Variants in ADAMTS12 observed in about 807,000 individuals in gnomAD.
ADAMTS12 encodes the protein A disintegrin and metalloproteinase with thrombospondin motifs 12.
In ADAMTS12, 118 loss-of-function variants were observed where a neutral mutation model predicts 167.8. That is an observed-to-expected ratio of 0.70 (90% CI 0.61 to 0.82). ADAMTS12 has a LOEUF of 0.82. ADAMTS12 is among the 40% of genes least tolerant of loss of function. The pLI is 0.00. For missense variants in ADAMTS12, 1,916 were observed against 1,998.8 expected, an observed-to-expected ratio of 0.96 and a Z score of 0.79; for synonymous variants, 704 against 716.9, an observed-to-expected ratio of 0.98 and a Z score of 0.29.
At chr5:33,528,837 G>A (rs752174474) in intron 23 of ADAMTS12, among the ~76,000 whole-genome samples, 8 of 152,192 alleles carry the variant, frequency 5.3e-5, no homozygotes, top group Non-Finnish European at 7.3e-5. Flanking sequence ...ATGAGGTCAG[G>A]AATTCGAGAC....
chr5:33,612,090 A>G (rs1738755147), intron 16 of ADAMTS12, among the ~76,000 whole-genome samples: 2 of 152,248 alleles, frequency 1.3e-5, no homozygotes. Flanking sequence ...CTGTGTGAAT[A>G]ATAGCATTTC....
At chr5:33,767,496 T>C (rs1745580046) in intron 2 of ADAMTS12, among the ~76,000 whole-genome samples, 2 of 152,212 alleles carry the variant, frequency 1.3e-5, no homozygotes, top group African/African-American at 4.8e-5. Flanking sequence ...CCATATAGAA[T>C]GTATTACAAT....
intron 2 of ADAMTS12, among the ~76,000 whole-genome samples, chr5:33,857,612 A>G (rs1749456514): frequency 6.6e-6 from 1 of 152,204 alleles, no homozygotes; most frequent in Non-Finnish European, 1.5e-5. Flanking sequence ...TGAAGCTCCA[A>G]AGCAAAGGGA....
At chr5:33,877,800 T>G (rs1242534963) in intron 2 of ADAMTS12, among the ~76,000 whole-genome samples, 1 of 152,110 alleles carries the variant, frequency 6.6e-6, no homozygotes, top group Admixed American at 6.5e-5. Flanking sequence ...GGTCCTCAGT[T>G]TGAAATCATC....
At position 33,553,858 on chromosome 5, in the gene ADAMTS12, CTTAAAAG is replaced by C. The variant is rs1745371872; in HGVS notation, c.4126-4482_4126-4476del. 4.6e-5 allele frequency among the ~76,000 whole-genome samples: 7 copies of C among 152,306 alleles called. 1 individual carries two copies. In the South Asian group the frequency reaches 1.2e-3, roughly 27 times the overall value. On this transcript the variant is annotated intron_variant, in intron 20 of 23. Transcript: ENST00000504830. Reference sequence around the variant, plus strand: ...AGCAAACCTGCACTTGTACCCTGAACTTAAAAGTTAAAAAAAATTTATTCCAAAAATT... The same window carrying C: ...AGCAAACCTGCACTTGTACCCTGAACTTAAAAAAAATTTATTCCAAAAATT...
At chr5:33,808,510 A>C (rs1747326549) in intron 2 of ADAMTS12, among the ~76,000 whole-genome samples, 1 of 152,232 alleles carries the variant, frequency 6.6e-6, no homozygotes, top group Non-Finnish European at 1.5e-5. Flanking sequence ...TTAGAATAAA[A>C]TTGTGTACAG....
At chr5:33,737,324 C>G (rs1561243782) in intron 3 of ADAMTS12, among the ~76,000 whole-genome samples, 2 of 152,122 alleles carry the variant, frequency 1.3e-5, no homozygotes, top group Non-Finnish European at 2.9e-5. Flanking sequence ...AATCCCTTAT[C>G]TGAAATGCTT....
intron 3 of ADAMTS12, among the ~76,000 whole-genome samples, chr5:33,745,779 G>A (rs1744760978): frequency 6.6e-6 from 1 of 152,194 alleles, no homozygotes; most frequent in Non-Finnish European, 1.5e-5. Flanking sequence ...GAGCTACAGA[G>A]AAATTGTGCT....
chr5:33,624,766 A>T (rs917819790), intron 13 of ADAMTS12, among the ~76,000 whole-genome samples: 1 of 152,152 alleles, frequency 6.6e-6, no homozygotes, highest in Non-Finnish European at 1.5e-5. Flanking sequence ...AAGAATCATG[A>T]CACTTAGATT....
At position 33,576,875 on chromosome 5, in the gene ADAMTS12, G is replaced by T; in HGVS notation, c.3151C>A (p.Pro1051Thr). 1.9e-6 allele frequency: 3 copies of T among 1,614,160 alleles called. No homozygotes were observed. Among genetic ancestry groups the T allele is most frequent in the Non-Finnish European group, 2.5e-6 (3 of 1,180,014 alleles). ...TCTTTGGAGGCTGTGGTAGGACTAG[G>T]GCTGCTGATTGCTGGAGTGCTTGTG... ...MSTSTPAISSPSPTTASKEGD... is the reference protein window; with the variant it reads ...MSTSTPAISSTSPTTASKEGD... Residue 1051 changes from proline (P) to threonine (T), a missense_variant, in exon 19 of 24, where the codon CCT becomes ACT. Physicochemically the swap from Pro to Thr is conservative, Grantham distance 38. Coordinates refer to ENST00000504830, the MANE Select transcript of ADAMTS12 (RefSeq NM_030955.4).
intron 3 of ADAMTS12, among the ~76,000 whole-genome samples, chr5:33,690,973 A>T (rs1742528811): frequency 6.6e-6 from 1 of 152,212 alleles, no homozygotes; most frequent in African/African-American, 2.4e-5. Context: ...AATGAGTCCC[A>T]GTATGCTTAG....
At chr5:33,844,411 G>A (rs766523687) in intron 2 of ADAMTS12, among the ~76,000 whole-genome samples, 8 of 152,114 alleles carry the variant, frequency 5.3e-5, no homozygotes, top group African/African-American at 1.4e-4. Flanking sequence ...AAGAGAATGC[G>A]CCCCTGAGGG....
At position 33,890,082 on chromosome 5, in the gene ADAMTS12, G is replaced by C. The variant is rs185402382; in HGVS notation, c.127+1648C>G. 4.8e-3 allele frequency among the ~76,000 whole-genome samples: 731 copies of C among 152,282 alleles called. 9 individuals carry two copies. Among genetic ancestry groups the C allele is most frequent in the African/African-American group, 0.017 (711 of 41,558 alleles). Reference sequence around the variant, plus strand: ...ATAGCTCTAGATAGAGGTGACTAGGGAAAATAATCATATCTCACTTTCCAG... The same window carrying C: ...ATAGCTCTAGATAGAGGTGACTAGGCAAAATAATCATATCTCACTTTCCAG... On this transcript the variant is annotated intron_variant, in intron 1 of 23. Transcript: ENST00000504830.
chr5:33,887,930 A>G (rs2111803875), intron 1 of ADAMTS12: 1 of 152,124 alleles, frequency 6.6e-6, no homozygotes, highest in South Asian at 2.1e-4. Flanking sequence ...TTTTTAGTAG[A>G]GATGGGGTTT....
At chr5:33,651,548 C>T (rs1011395832) in intron 7 of ADAMTS12, among the ~76,000 whole-genome samples, 11 of 152,168 alleles carry the variant, frequency 7.2e-5, no homozygotes, top group African/African-American at 1.4e-4. Context: ...CAGGCCATTT[C>T]GTTGATCTCG....
At chr5:33,635,416 C>T (rs2112157762) in intron 12 of ADAMTS12, among the ~76,000 whole-genome samples, 1 of 152,232 alleles carries the variant, frequency 6.6e-6, no homozygotes, top group Non-Finnish European at 1.5e-5. Flanking sequence ...GATGAGGCTG[C>T]AGAGTCAGGC....
chr5:33,604,927 G>C (rs1002494617), intron 16 of ADAMTS12, among the ~76,000 whole-genome samples: 1 of 152,102 alleles, frequency 6.6e-6, no homozygotes, highest in Admixed American at 6.5e-5. Context: ...GCTAAGACAA[G>C]CTACAAAGTA....
At chr5:33,626,516 G>GGGGGTGA (rs1739620912) in intron 13 of ADAMTS12, among the ~76,000 whole-genome samples, 1 of 151,550 alleles carries the variant, frequency 6.6e-6, no homozygotes, top group African/African-American at 2.4e-5. Context: ...TGGTGGTAAT[G>GGGGGTGA]TGGTAATGGT....
chr5:33,596,343 G>A (rs1249734777), intron 16 of ADAMTS12, among the ~76,000 whole-genome samples: 4 of 152,114 alleles, frequency 2.6e-5, no homozygotes, highest in African/African-American at 7.2e-5. Context: ...CCATGGAGAC[G>A]AGACTAACAC....
Sources: gnomAD v4.1 joint callset for allele counts (sites outside exome capture counted in the v4.1 genomes callset) on GRCh38, gnomAD v4.1.1 for gene constraint, MANE v1.5 for transcripts, NCBI Gene and HGNC (gene_info 2026-07-23, HGNC 2026-07-21) for gene names.